Variants in RHPN1 observed in about 807,000 individuals in gnomAD.
RHPN1 encodes the protein rhophilin-1.
A neutral mutation model predicts 74.7 loss-of-function variants in RHPN1; 77 were observed. The observed-to-expected ratio is 1.03, with a 90% CI of 0.86 to 1.25. The LOEUF is 1.25. Ranked by LOEUF, RHPN1 falls within the 50% of genes most tolerant of loss-of-function variation. The pLI, the probability that RHPN1 is intolerant of heterozygous loss-of-function variation, is 0.00. For synonymous variants in RHPN1, 444 were observed against 414.5 expected, an observed-to-expected ratio of 1.07 and a Z score of -0.87; for missense variants, 987 against 932.2, an observed-to-expected ratio of 1.06 and a Z score of -0.77.
Position 143,379,828 on chromosome 8 carries a change from G to T in RHPN1, c.946-1G>T. ...CGCGTGCCTGCCACATCCACCGGCA[G>T]GTGGCAGCCGAGTACAGGCTAGTGC... On this transcript the variant is annotated splice_acceptor_variant, in intron 8 of 14. Coordinates refer to ENST00000289013, the MANE Select transcript of RHPN1 (RefSeq NM_052924.3). LOFTEE classifies it high-confidence loss of function. 1 of 1,607,078 alleles carries T rather than the reference G, an allele frequency of 6.2e-7. No homozygotes were observed. Among genetic ancestry groups the T allele is most frequent in the Non-Finnish European group, 8.5e-7 (1 of 1,177,016 alleles).
chr8:143,378,356 T>TCGGGGGGC lies in RHPN1; in HGVS notation c.459+11_459+12insGGGGGGCC. The TCGGGGGGC allele has an allele frequency of 2.6e-6, 4 of 1,525,426 alleles. No individual in the cohort carries two copies. Among genetic ancestry groups the TCGGGGGGC allele is most frequent in the Non-Finnish European group, 3.5e-6 (4 of 1,136,336 alleles). The allele number at this position is 1,525,426 out of a possible 1,614,324, so 94.5% of individuals were successfully genotyped here. A position where few individuals can be genotyped will look rare whatever the true frequency, so the allele number is the denominator to read the frequency against. On this transcript the variant is annotated intron_variant, in intron 5 of 14. Transcript: ENST00000289013. Reference sequence around the variant, plus strand: ...GGAGGCCCTGCGGCAGGTGTGTGGTTCCCCCGCCCACCCACCCTCCTGCAG... The same window carrying TCGGGGGGC: ...GGAGGCCCTGCGGCAGGTGTGTGGTTCGGGGGGCCCCCCGCCCACCCACCCTCCTGCAG...
At position 143,375,495 on chromosome 8, in the gene RHPN1, C is replaced by T. The variant is rs373397392; in HGVS notation, c.61-58C>T. ...GCACTCCTCTCAGTGGCTGGCGAGG[C>T]GCAGCCTGGTGCGGGCGCCACGGGG... On this transcript the variant is annotated intron_variant, in intron 1 of 14. Transcript: ENST00000289013. 2.3e-4 allele frequency: 292 copies of T among 1,264,688 alleles called. No individual in the cohort carries two copies. The African/African-American group carries it at 3.5e-3, about 15-fold the overall frequency. The allele number at this position is 1,264,688 out of a possible 1,614,324, so 78.3% of individuals were successfully genotyped here. A position where few individuals can be genotyped will look rare whatever the true frequency, so the allele number is the denominator to read the frequency against.
intron 9 of RHPN1, 30 bp from the exon 10 acceptor site, chr8:143,380,032 C>T (rs926638528): frequency 1.4e-5 from 22 of 1,547,450 alleles, no homozygotes; most frequent in East Asian, 7.3e-5. Context: ...GGCCCCCCCG[C>T]GCAGGGCTCA....
At chr8:143,372,121 G>C (rs954889406) in intron 1 of RHPN1, among the ~76,000 whole-genome samples, 4 of 152,188 alleles carry the variant, frequency 2.6e-5, no homozygotes, top group African/African-American at 9.7e-5. Flanking sequence ...CTGGGGCCAG[G>C]AGGGGAGCAG....
intron 1 of RHPN1, chr8:143,374,196 TGA>T: frequency 1.0e-6 from 1 of 985,418 alleles, no homozygotes; most frequent in Non-Finnish European, 1.2e-6. Context: ...CGGGAAGGCC[TGA>T]GAGACGTGTG....
chr8:143,382,810 C>CTTTAA lies in RHPN1; in HGVS notation c.*160_*161insTTAAT. 2 of 625,880 alleles carry CTTTAA rather than the reference C, an allele frequency of 3.2e-6. No homozygotes were observed. The highest frequency in any genetic ancestry group is 2.8e-6 in the Non-Finnish European group (1 of 359,814). 38.8% of individuals were successfully genotyped at this position (625,880 alleles called of 1,614,324 possible). ...CCCATTAAAGACTGGTCAGACCTGT[C>CTTTAA]TGAGCCCAGTGATGGGAGCTGTGGC... On this transcript the variant is annotated 3_prime_UTR_variant, in exon 15 of 15. Transcript: ENST00000289013.
Position 143,381,854 on chromosome 8 carries a change from G to T in RHPN1, c.1683G>T (p.Gln561His), listed in dbSNP as rs762150096. ...EGDYIVSVNG[Q>H]PCRWWRHAEV... is the part of the protein sequence containing the mutation. The stretch of plus-strand genomic sequence containing the variant: ...ACTACATTGTGTCAGTGAATGGGCA[G>T]CCATGCAGGTGGTGGAGACACGCGG... Residue 561 changes from glutamine (Q) to histidine (H), a missense_variant, in exon 14 of 15, where the codon CAG becomes CAT. Coordinates refer to ENST00000289013, the MANE Select transcript of RHPN1 (RefSeq NM_052924.3). 4.3e-6 allele frequency: 7 copies of T among 1,613,062 alleles called. No individual in the cohort carries two copies. Among genetic ancestry groups the T allele is most frequent in the Admixed American group, 1.7e-5 (1 of 59,996 alleles).
chr8:143,383,279 G>C lies in RHPN1; in HGVS notation c.*628G>C, dbSNP rs537966643. ...TGTCCCGTTTGCCCAGGAGTCCCTG[G>C]TGTCGTGGCCCAGGTCTCATGGTGG... On this transcript the variant is annotated 3_prime_UTR_variant, in exon 15 of 15. Transcript: ENST00000289013. The C allele has an allele frequency of 6.6e-6, 1 of 151,870 alleles. No individual in the cohort carries two copies. Among genetic ancestry groups the C allele is most frequent in the South Asian group, 2.1e-4 (1 of 4,864 alleles). 9.4% of individuals were successfully genotyped at this position (151,870 alleles called of 1,614,324 possible). A position where few individuals can be genotyped will look rare whatever the true frequency, so the allele number is the denominator to read the frequency against.
rs1335481500 is a variant in RHPN1 at position 143,379,028 on chromosome 8, C to T, written c.701C>T (p.Ser234Phe). The change falls in exon 7 of 15, where the codon TCC becomes TTC. Residue 234 changes from serine to phenylalanine, a missense_variant. Transcript: ENST00000289013. Reference protein sequence around the residue: ...HTQIGARQDRSCTEGARRAME... With the variant: ...HTQIGARQDRFCTEGARRAME... ...CAGATTGGGGCGCGCCAGGACCGCT[C>T]CTGCACCGAGGGTGCCCGCCGCGCT... 1.3e-6 allele frequency: 2 copies of T among 1,546,776 alleles called. No individual in the cohort carries two copies. Among genetic ancestry groups the T allele is most frequent in the Middle Eastern group, 1.7e-4 (1 of 5,968 alleles).
In RHPN1 at chr8:143,378,357, C is replaced by CCCT; in HGVS notation, c.459+13_459+14insTCC. On this transcript the variant is annotated intron_variant, in intron 5 of 14. Transcript: ENST00000289013. ...GAGGCCCTGCGGCAGGTGTGTGGTT[C>CCCT]CCCCGCCCACCCACCCTCCTGCAGC... The CCCT allele has an allele frequency of 5.9e-6, 9 of 1,520,942 alleles. No homozygotes were observed. The highest frequency in any genetic ancestry group is 1.2e-5 in the South Asian group (1 of 83,424). The allele number at this position is 1,520,942 out of a possible 1,614,324, so 94.2% of individuals were successfully genotyped here. A position where few individuals can be genotyped will look rare whatever the true frequency, so the allele number is the denominator to read the frequency against.
At position 143,378,834 on chromosome 8, in the gene RHPN1, G is replaced by A. The variant is rs201670536; in HGVS notation, c.584+14G>A. 69 of 1,564,858 alleles carry A rather than the reference G, an allele frequency of 4.4e-5. No individual in the cohort carries two copies. The highest frequency in any genetic ancestry group is 4.3e-4 in the East Asian group (18 of 41,770). ...CTTCTTCCACTGGTAGGGGCTCTGC[G>A]GGCGGAGGCACCCTGGGGAGGGGAG... On this transcript the variant is annotated intron_variant, in intron 6 of 14. Coordinates refer to ENST00000289013, the MANE Select transcript of RHPN1 (RefSeq NM_052924.3).
intron 4 of RHPN1, among the ~76,000 whole-genome samples, chr8:143,378,029 G>A (rs1818401617): frequency 6.6e-6 from 1 of 152,210 alleles, no homozygotes; most frequent in African/African-American, 2.4e-5. Context: ...GGAAACCCCA[G>A]GGCCACAGGG....
At chr8:143,381,439 G>A in intron 12 of RHPN1, 95 bp downstream of exon 12, 1 of 1,457,612 alleles carries the variant, frequency 6.9e-7, no homozygotes, top group South Asian at 1.3e-5. Flanking sequence ...ATTGATGGTG[G>A]TCCAGCCCTC....
At chr8:143,370,222 G>A (rs927921181) in intron 1 of RHPN1, among the ~76,000 whole-genome samples, 1 of 152,190 alleles carries the variant, frequency 6.6e-6, no homozygotes, top group African/African-American at 2.4e-5. Flanking sequence ...CCCTGTCCTG[G>A]CCCTCCCTGG....
chr8:143,379,026 C>G lies in RHPN1; in HGVS notation c.699C>G (p.Arg233=). 1 of 1,547,122 alleles carries G rather than the reference C, an allele frequency of 6.5e-7. No homozygotes were observed. Among genetic ancestry groups the G allele is most frequent in the Non-Finnish European group, 8.7e-7 (1 of 1,145,674 alleles). Residue 233 remains arginine (R), a synonymous_variant, in exon 7 of 15, where the codon CGC becomes CGG. Transcript: ENST00000289013. ...LHTQIGARQD[R]SCTEGARRAM... ...CGCAGATTGGGGCGCGCCAGGACCG[C>G]TCCTGCACCGAGGGTGCCCGCCGCG... is the stretch of plus-strand genomic sequence containing the variant.
intron 1 of RHPN1, among the ~76,000 whole-genome samples, chr8:143,370,356 G>A (rs1817744674): frequency 1.3e-5 from 2 of 152,320 alleles, no homozygotes; most frequent in African/African-American, 4.8e-5. Flanking sequence ...GTGGGGCGGA[G>A]GCAGGCCCTG....
At chr8:143,379,780 C>T (rs774402219) in intron 8 of RHPN1, 49 bp from the exon 9 acceptor site, 1 of 1,562,410 alleles carries the variant, frequency 6.4e-7, no homozygotes, top group Non-Finnish European at 8.7e-7. Context: ...GAAGCAGGCA[C>T]CACCTGGAGA....
At position 143,381,665 on chromosome 8, in the gene RHPN1, C is replaced by T. The variant is rs199998250; in HGVS notation, c.1582C>T (p.Arg528Trp). 2.5e-5 allele frequency: 40 copies of T among 1,611,532 alleles called. No individual in the cohort carries two copies. Among genetic ancestry groups the T allele is most frequent in the Non-Finnish European group, 3.1e-5 (36 of 1,179,528 alleles). ...AGAGGGCGGCTTTGGCCTCACGCTTCGGGGAGACTCGCCTGTCCTCATCGC... is the reference window on the plus strand; with the variant it reads ...AGAGGGCGGCTTTGGCCTCACGCTTTGGGGAGACTCGCCTGTCCTCATCGC... ...RGEGGFGLTL[R>W]GDSPVLIAAV... is the part of the protein sequence containing the mutation. Residue 528 changes from arginine (R) to tryptophan (W), a missense_variant, in exon 13 of 15, where the codon CGG (arginine) becomes TGG (tryptophan). Arg to Trp is a moderately radical substitution (Grantham distance 101, BLOSUM62 -3). Coordinates refer to ENST00000289013, the MANE Select transcript of RHPN1 (RefSeq NM_052924.3).
chr8:143,368,827 G>A (rs549679659), upstream of RHPN1: 118 of 381,798 alleles, frequency 3.1e-4, no homozygotes, highest in African/African-American at 2.3e-3. Context: ...GCCCAGCCGC[G>A]CCGCGGGCCG....
Sources: allele counts gnomAD v4.1 joint callset (sites outside exome capture counted in the v4.1 genomes callset), GRCh38; gene constraint gnomAD v4.1.1; transcripts MANE v1.5; gene names NCBI Gene and HGNC (gene_info 2026-07-23, HGNC 2026-07-21).